The following RIDA variants were observed in gnomAD, a reference collection of about 807,000 sequenced individuals.
RIDA encodes the protein reactive intermediate imine deaminase A, also known as 2-iminobutanoate/2-iminopropanoate deaminase.
RIDA carries 17 observed loss-of-function variants against 17.8 expected under a neutral mutation model. The observed-to-expected ratio is 0.96, with a 90% CI of 0.65 to 1.43. RIDA has a LOEUF of 1.43. Ranked by LOEUF, RIDA falls within the 40% of genes most tolerant of loss-of-function variation. The pLI, the probability that RIDA is intolerant of heterozygous loss-of-function variation, is 0.00. For synonymous variants in RIDA, 48 were observed against 55.7 expected (o/e 0.86, Z 0.62); for missense variants, 158 against 161.7 (o/e 0.98, Z 0.12).
In RIDA at chr8:98,105,927, A is replaced by G; in HGVS notation, c.295+11T>C. The G allele has an allele frequency of 1.3e-6, 2 of 1,564,996 alleles. No homozygotes were observed. The highest frequency in any genetic ancestry group is 1.8e-6 in the Non-Finnish European group (2 of 1,136,858). ...AAAAATGGAAAATAGGAATAAAGCC[A>G]AATTACTTACACTGTTTGTAGATTT... On this transcript the variant is annotated intron_variant, in intron 4 of 5. Coordinates refer to ENST00000254878, the MANE Select transcript of RIDA (RefSeq NM_005836.3).
At position 98,108,736 on chromosome 8, in the gene RIDA, G is replaced by A. The variant is rs1220536125; in HGVS notation, c.81C>T (p.Val27=). ...GTCCTGAAATGTAAATGGTCCTGTC[G>A]ACTAATACAGCTTGACTGCAATAAA... ...AIGPYSQAVL[V]DRTIYISGQI... The change falls in exon 2 of 6, where the codon GTC becomes GTT. Residue 27 remains valine (V), a synonymous_variant. Transcript: ENST00000254878. 1.4e-5 allele frequency: 23 copies of A among 1,608,732 alleles called. No individual in the cohort carries two copies. Among genetic ancestry groups the A allele is most frequent in the Admixed American group, 3.3e-5 (2 of 59,958 alleles).
chr8:98,105,375 CACCAATTTTCCCT>C (rs1437161861), intron 4 of RIDA, among the ~76,000 whole-genome samples: 13 of 152,228 alleles, frequency 8.5e-5, no homozygotes, highest in South Asian at 2.1e-4. Flanking sequence ...GTGTTGGGGA[CACCAATTTTCCCT>C]ACTATAACAT....
chr8:98,110,831 G>A (rs1815716875), intron 1 of RIDA, among the ~76,000 whole-genome samples: 1 of 152,044 alleles, frequency 6.6e-6, no homozygotes, highest in Non-Finnish European at 1.5e-5. Flanking sequence ...TGGACCATGG[G>A]GGCAGTTTCC....
intron 2 of RIDA, among the ~76,000 whole-genome samples, chr8:98,107,099 G>A (rs1815644094): frequency 6.6e-6 from 1 of 152,182 alleles, no homozygotes; most frequent in South Asian, 2.1e-4. Context: ...TACTGTGCAT[G>A]TTGTTCTGCA....
At chr8:98,108,313 T>A (rs946224922) in intron 2 of RIDA, among the ~76,000 whole-genome samples, 9 of 152,006 alleles carry the variant, frequency 5.9e-5, no homozygotes, top group African/African-American at 2.2e-4. Context: ...GGTAATTTTT[T>A]TTTTTTTTTG....
intron 1 of RIDA, among the ~76,000 whole-genome samples, chr8:98,112,171 G>T: frequency 1.4e-5 from 2 of 142,042 alleles, no homozygotes; most frequent in African/African-American, 2.8e-5. Flanking sequence ...CTGATATTTT[G>T]TTATCATAAA....
chr8:98,107,246 C>T (rs535762106), intron 2 of RIDA, among the ~76,000 whole-genome samples: 3 of 152,098 alleles, frequency 2.0e-5, no homozygotes, highest in African/African-American at 4.8e-5. Flanking sequence ...TCAGCTAGGC[C>T]GGGTGTGGAG....
intron 5 of RIDA, among the ~76,000 whole-genome samples, chr8:98,103,641 A>ATTTT (rs372281324): frequency 6.8e-6 from 1 of 146,324 alleles, no homozygotes; most frequent in Non-Finnish European, 1.5e-5. Flanking sequence ...TTTTCTCACA[A>ATTTT]TTTTTTTTTT....
At chr8:98,106,224 A>C (rs1199927090) in intron 3 of RIDA, 48 bp downstream of exon 3, 1 of 1,564,440 alleles carries the variant, frequency 6.4e-7, no homozygotes, top group Admixed American at 1.7e-5. Context: ...TTTCAAAAAG[A>C]CCAAAGAAAT....
chr8:98,105,080 T>C (rs1349349820), intron 4 of RIDA, among the ~76,000 whole-genome samples: 1 of 135,334 alleles, frequency 7.4e-6, no homozygotes, highest in African/African-American at 2.8e-5. Flanking sequence ...ATATGATTCC[T>C]ATGATAGTTA....
intron 5 of RIDA, among the ~76,000 whole-genome samples, chr8:98,103,489 G>C (rs1049334036): frequency 6.6e-6 from 1 of 152,182 alleles, no homozygotes; most frequent in Non-Finnish European, 1.5e-5. Context: ...CCCTGGTTTA[G>C]AGATTATTTT....
intron 2 of RIDA, among the ~76,000 whole-genome samples, chr8:98,108,396 G>A (rs1563763803): frequency 3.3e-5 from 5 of 151,276 alleles, no homozygotes; most frequent in African/African-American, 7.3e-5. Flanking sequence ...GTCATCTGAC[G>A]TCAATAATTC....
chr8:98,110,224 C>A (rs528012789), intron 1 of RIDA, among the ~76,000 whole-genome samples: 41 of 152,144 alleles, frequency 2.7e-4, no homozygotes, highest in Non-Finnish European at 7.4e-5. Context: ...TGATTCTATA[C>A]ATTTACTAAA....
At chr8:98,111,197 T>C (rs934243297) in intron 1 of RIDA, among the ~76,000 whole-genome samples, 1 of 152,200 alleles carries the variant, frequency 6.6e-6, no homozygotes, top group African/African-American at 2.4e-5. Context: ...CATTGATACC[T>C]GAAAAAAAGC....
chr8:98,116,605 G>T (rs1421076572), intron 1 of RIDA, among the ~76,000 whole-genome samples: 2 of 152,178 alleles, frequency 1.3e-5, no homozygotes, highest in African/African-American at 4.8e-5. Flanking sequence ...TGATGAAAAT[G>T]TTCTGAAGAA....
At chr8:98,111,501 G>A (rs1206575750) in intron 1 of RIDA, among the ~76,000 whole-genome samples, 2 of 151,816 alleles carry the variant, frequency 1.3e-5, no homozygotes, top group Admixed American at 6.6e-5. Context: ...AGCTACTTGG[G>A]AGGCTGAGGC....
At chr8:98,110,784 C>A (rs1234151921) in intron 1 of RIDA, among the ~76,000 whole-genome samples, 2 of 152,088 alleles carry the variant, frequency 1.3e-5, no homozygotes, top group Admixed American at 6.6e-5. Flanking sequence ...TGCCCATAAT[C>A]CCCACATGTT....
At chr8:98,105,379 A>G (rs990346822) in intron 4 of RIDA, among the ~76,000 whole-genome samples, 10 of 152,252 alleles carry the variant, frequency 6.6e-5, no homozygotes, top group South Asian at 2.1e-4. Context: ...TGGGGACACC[A>G]ATTTTCCCTA....
chr8:98,105,827 C>T, intron 4 of RIDA, 111 bp downstream of exon 4: 1 of 664,966 alleles, frequency 1.5e-6, no homozygotes, highest in Non-Finnish European at 2.7e-6. Flanking sequence ...AGATCTATGA[C>T]CATTTCTTTA....
Sources: allele counts gnomAD v4.1 joint callset (sites outside exome capture counted in the v4.1 genomes callset), GRCh38; gene constraint gnomAD v4.1.1; transcripts MANE v1.5; gene names NCBI Gene and HGNC (gene_info 2026-07-23, HGNC 2026-07-21).